Variants in C2CD5 observed in about 807,000 individuals in gnomAD.
C2CD5 encodes C2 domain-containing protein 5.
A neutral mutation model predicts 130.3 loss-of-function variants in C2CD5; 109 were observed. The observed-to-expected ratio is 0.84, with a 90% CI of 0.72 to 0.98. The LOEUF (loss-of-function observed/expected upper bound fraction) is 0.98, where lower values mean the gene tolerates loss of function less well. Among genes scored for constraint, C2CD5 ranks in the 50% least tolerant of loss-of-function variants. The pLI is 0.00. For missense variants in C2CD5, 996 were observed against 1,261.8 expected (o/e 0.79, Z 3.19); for synonymous variants, 454 against 429.2 (o/e 1.06, Z -0.71).
intron 10 of C2CD5, among the ~76,000 whole-genome samples, chr12:22,499,773 C>T (rs530148956): frequency 1.2e-4 from 19 of 152,332 alleles, no homozygotes; most frequent in Non-Finnish European, 2.6e-4. Context: ...AGCAGCAACA[C>T]TCACCTGCCT....
chr12:22,453,273 AG>A (rs2135953286), intron 26 of C2CD5, among the ~76,000 whole-genome samples: 1 of 152,268 alleles, frequency 6.6e-6, no homozygotes, highest in African/African-American at 2.4e-5. Flanking sequence ...ACAGTGTACC[AG>A]TGGACCACAG....
intron 3 of C2CD5, among the ~76,000 whole-genome samples, chr12:22,534,408 T>G (rs1218659232): frequency 6.6e-6 from 1 of 152,088 alleles, no homozygotes; most frequent in African/African-American, 2.4e-5. Flanking sequence ...CTTTTGCGCA[T>G]CAAAGAAAAT....
chr12:22,466,944 G>A (rs370376531), intron 22 of C2CD5, among the ~76,000 whole-genome samples: 57 of 152,270 alleles, frequency 3.7e-4, no homozygotes, highest in African/African-American at 1.3e-3. Flanking sequence ...CTTTCTTCAA[G>A]TGAAATCACA....
At chr12:22,472,086 C>T (rs374464335) in intron 18 of C2CD5, 21 bp from the exon 19 acceptor site, 91 of 1,306,680 alleles carry the variant, frequency 7.0e-5, no homozygotes, top group Non-Finnish European at 9.8e-5. Context: ...GGTGACATAA[C>T]ATGTCATTTT....
intron 6 of C2CD5, among the ~76,000 whole-genome samples, chr12:22,524,237 T>C (rs1360967235): frequency 6.6e-6 from 1 of 152,166 alleles, no homozygotes; most frequent in African/African-American, 2.4e-5. Context: ...CAGCGCTCTT[T>C]CCACTACACT....
chr12:22,496,508 G>A (rs1354577563), intron 10 of C2CD5, among the ~76,000 whole-genome samples: 1 of 151,940 alleles, frequency 6.6e-6, no homozygotes, highest in South Asian at 2.1e-4. Context: ...GCTGAGATGT[G>A]AGGTCATTTA....
intron 13 of C2CD5, among the ~76,000 whole-genome samples, chr12:22,483,254 G>A (rs1194764889): frequency 6.6e-6 from 1 of 151,838 alleles, no homozygotes; most frequent in Non-Finnish European, 1.5e-5. Context: ...ATGAAATAAT[G>A]ACCAAAATCA....
rs969593304 is a variant in C2CD5, at chr12:22,502,126, C to T, written c.1147+4585G>A. Among the ~76,000 whole-genome samples the T allele has an allele frequency of 2.0e-5, 3 of 151,850 alleles. No individual in the cohort carries two copies. In the East Asian group the frequency reaches 5.8e-4, roughly 29 times the overall value. ...CTATCGTAGTCTGTTTATTTAAAAG[C>T]TACAAACTACATTCATATGTAAAAT... On this transcript the variant is annotated intron_variant, in intron 10 of 26. Coordinates refer to ENST00000446597, the MANE Select transcript of C2CD5 (RefSeq NM_001286176.2).
chr12:22,463,776 G>T (rs1941602468), intron 22 of C2CD5: 1 of 152,102 alleles, frequency 6.6e-6, no homozygotes, highest in South Asian at 2.1e-4. Flanking sequence ...AAAAATATTT[G>T]AGAAAATCTT....
At chr12:22,512,791 T>G in intron 9 of C2CD5, 1 of 668,724 alleles carries the variant, frequency 1.5e-6, no homozygotes, top group Non-Finnish European at 2.5e-6. Context: ...AAACTTACAA[T>G]AACTGAAATA....
intron 8 of C2CD5, among the ~76,000 whole-genome samples, chr12:22,515,622 A>C (rs531261371): frequency 6.6e-6 from 1 of 152,242 alleles, no homozygotes; most frequent in South Asian, 2.1e-4. Flanking sequence ...GGGCACTTTA[A>C]TTGAATATCC....
chr12:22,474,641 A>G, intron 16 of C2CD5, 110 bp downstream of exon 16: 1 of 693,938 alleles, frequency 1.4e-6, no homozygotes. Flanking sequence ...AACTTTTTAA[A>G]TATTTATAAC....
At chr12:22,542,836 T>TCA (rs1952531803) in intron 2 of C2CD5, among the ~76,000 whole-genome samples, 1 of 152,232 alleles carries the variant, frequency 6.6e-6, no homozygotes, top group Non-Finnish European at 1.5e-5. Flanking sequence ...GCAGGACTGT[T>TCA]GTGAAAACTA....
chr12:22,522,388 G>A (rs1950350444), intron 7 of C2CD5, among the ~76,000 whole-genome samples: 1 of 152,202 alleles, frequency 6.6e-6, no homozygotes, highest in Admixed American at 6.5e-5. Flanking sequence ...ACTCTGTGAT[G>A]ACAGTCATGA....
At position 22,483,383 on chromosome 12, in the gene C2CD5, G is replaced by C. The variant is rs187432437; in HGVS notation, c.1551-640C>G. ...CAAAAGTCACTTGAGCATCTACTTCGTGCCACATAGGCTACATTCAAAGGG... is the reference window on the plus strand; with the variant it reads ...CAAAAGTCACTTGAGCATCTACTTCCTGCCACATAGGCTACATTCAAAGGG... On this transcript the variant is annotated intron_variant, in intron 13 of 26. Coordinates refer to ENST00000446597, the MANE Select transcript of C2CD5 (RefSeq NM_001286176.2). Among the ~76,000 whole-genome samples, 4 of 151,972 alleles carry C rather than the reference G, an allele frequency of 2.6e-5. No individual in the cohort carries two copies. In the East Asian group the frequency reaches 7.7e-4, roughly 29 times the overall value.
chr12:22,491,564 G>C (rs1228091108), intron 11 of C2CD5, among the ~76,000 whole-genome samples: 1 of 152,004 alleles, frequency 6.6e-6, no homozygotes, highest in South Asian at 2.1e-4. Context: ...GTGATACCAA[G>C]AACTATGCCT....
chr12:22,515,076 T>C (rs1949581556), intron 8 of C2CD5: 2 of 985,136 alleles, frequency 2.0e-6, no homozygotes, highest in East Asian at 1.1e-4. Context: ...CAGGACTTTT[T>C]AAGATGAAGG....
intron 7 of C2CD5, among the ~76,000 whole-genome samples, chr12:22,521,596 G>A (rs1234051461): frequency 2.6e-5 from 4 of 152,082 alleles, no homozygotes; most frequent in Non-Finnish European, 5.9e-5. Flanking sequence ...ACCTCAAAAA[G>A]CTAAACCTGC....
intron 2 of C2CD5, among the ~76,000 whole-genome samples, chr12:22,541,505 T>C (rs547941170): frequency 1.3e-5 from 2 of 152,302 alleles, no homozygotes; most frequent in East Asian, 1.9e-4. Context: ...AACTTTATCT[T>C]ATACTACTCT....
Sources: gnomAD v4.1 joint callset for allele counts (sites outside exome capture counted in the v4.1 genomes callset) on GRCh38, gnomAD v4.1.1 for gene constraint, MANE v1.5 for transcripts, NCBI Gene and HGNC (gene_info 2026-07-23, HGNC 2026-07-21) for gene names.